Variants in GRM8 observed in about 807,000 individuals in gnomAD.
The protein encoded by GRM8 is metabotropic glutamate receptor 8.
Under a neutral mutation model 87.2 loss-of-function variants are expected in GRM8, and 47 were observed. That is an observed-to-expected ratio of 0.54 (90% confidence interval 0.43 to 0.69). The LOEUF (loss-of-function observed/expected upper bound fraction) is 0.69. Among genes scored for constraint, GRM8 ranks in the 30% least tolerant of loss-of-function variants. GRM8 has a pLI of 0.00. For synonymous variants in GRM8, 396 were observed against 404.5 expected, an observed-to-expected ratio of 0.98 and a Z score of 0.25; for missense variants, 1,019 against 1,139.2, an observed-to-expected ratio of 0.89 and a Z score of 1.52.
chr7:126,475,950 T>C (rs1248186087), intron 9 of GRM8, among the ~76,000 whole-genome samples: 1 of 152,076 alleles, frequency 6.6e-6, no homozygotes, highest in Admixed American at 6.6e-5. Context: ...ATATCATACA[T>C]AAAAAATAAC....
At chr7:127,074,123 A>G (rs977740220) in intron 3 of GRM8, among the ~76,000 whole-genome samples, 4 of 152,264 alleles carry the variant, frequency 2.6e-5, no homozygotes, top group Non-Finnish European at 5.9e-5. Context: ...ATGGCAATAC[A>G]ATAGTATCCT....
intron 2 of GRM8, among the ~76,000 whole-genome samples, chr7:127,165,372 A>G (rs937387939): frequency 6.6e-6 from 1 of 151,766 alleles, no homozygotes; most frequent in African/African-American, 2.4e-5. Context: ...GCCCTCTTAA[A>G]TATATATCAA....
chr7:127,017,070 G>C (rs1202416971), intron 3 of GRM8, among the ~76,000 whole-genome samples: 2 of 151,912 alleles, frequency 1.3e-5, no homozygotes, highest in Non-Finnish European at 2.9e-5. Flanking sequence ...ACTAATTTCT[G>C]CATTATAAGA....
At chr7:126,817,446 T>A (rs1030464927) in intron 6 of GRM8, among the ~76,000 whole-genome samples, 2 of 152,116 alleles carry the variant, frequency 1.3e-5, no homozygotes, top group East Asian at 3.8e-4. Context: ...GTCATAAATA[T>A]CCATTTAAAT....
At chr7:126,456,595 T>C (rs1456305275) in intron 9 of GRM8, among the ~76,000 whole-genome samples, 3 of 137,578 alleles carry the variant, frequency 2.2e-5, no homozygotes, top group African/African-American at 5.6e-5. Flanking sequence ...TTCAGGTCCA[T>C]GGAGGAGAAT....
intron 3 of GRM8, among the ~76,000 whole-genome samples, chr7:127,040,744 T>C (rs1005864237): frequency 6.6e-6 from 1 of 152,180 alleles, no homozygotes; most frequent in Non-Finnish European, 1.5e-5. Flanking sequence ...GGGAGTTTGG[T>C]CCCAAGTTAC....
chr7:126,674,995 A>G (rs1473844302), intron 7 of GRM8, among the ~76,000 whole-genome samples: 5 of 152,212 alleles, frequency 3.3e-5, no homozygotes, highest in African/African-American at 9.6e-5. Flanking sequence ...TTTGTGTCTC[A>G]AATAATCTTT....
chr7:127,088,384 G>T (rs538321091), intron 3 of GRM8, among the ~76,000 whole-genome samples: 2 of 152,346 alleles, frequency 1.3e-5, no homozygotes, highest in Admixed American at 1.3e-4. Flanking sequence ...AGAATGGAGA[G>T]CCTTTACAAA....
At chr7:127,106,978 C>T (rs1825867410) in intron 2 of GRM8, among the ~76,000 whole-genome samples, 1 of 152,168 alleles carries the variant, frequency 6.6e-6, no homozygotes, top group African/African-American at 2.4e-5. Flanking sequence ...CAAAGCAAAA[C>T]ATTTGTGCTT....
chr7:126,894,496 A>G (rs183823208), intron 6 of GRM8, among the ~76,000 whole-genome samples: 50 of 152,100 alleles, frequency 3.3e-4, no homozygotes, highest in Admixed American at 2.8e-3. Flanking sequence ...CTGTAGTGTG[A>G]GCATTTTTCT....
At chr7:126,748,203 G>A (rs1479512249) in intron 7 of GRM8, among the ~76,000 whole-genome samples, 2 of 151,956 alleles carry the variant, frequency 1.3e-5, no homozygotes, top group Non-Finnish European at 2.9e-5. Context: ...AGGCATATTG[G>A]AAAGGAAGTA....
intron 1 of GRM8, among the ~76,000 whole-genome samples, chr7:127,248,812 G>T (rs1179309741): frequency 6.6e-6 from 1 of 152,074 alleles, no homozygotes; most frequent in African/African-American, 2.4e-5. Flanking sequence ...CCTTAACAAC[G>T]GTCACAGGTC....
At chr7:126,865,153 T>C (rs955629516) in intron 6 of GRM8, among the ~76,000 whole-genome samples, 5 of 152,230 alleles carry the variant, frequency 3.3e-5, no homozygotes, top group African/African-American at 1.2e-4. Context: ...ATTTCCCATG[T>C]CAACTTTTGA....
chr7:126,995,529 T>G (rs1418944942), intron 3 of GRM8, among the ~76,000 whole-genome samples: 2 of 152,134 alleles, frequency 1.3e-5, no homozygotes, highest in African/African-American at 2.4e-5. Context: ...TTAAAAAGAA[T>G]CAAGCAGAAA....
chr7:126,897,423 G>C (rs1410557983), intron 6 of GRM8, among the ~76,000 whole-genome samples: 2 of 151,872 alleles, frequency 1.3e-5, no homozygotes, highest in African/African-American at 2.4e-5. Flanking sequence ...TGAAGGGAGA[G>C]GAATTGTGGC....
At chr7:127,141,442 T>A (rs1435855919) in intron 2 of GRM8, among the ~76,000 whole-genome samples, 1 of 152,172 alleles carries the variant, frequency 6.6e-6, no homozygotes, top group East Asian at 1.9e-4. Context: ...ATCCAAAAAA[T>A]TGTTGAGGAT....
intron 7 of GRM8, among the ~76,000 whole-genome samples, chr7:126,739,683 G>A (rs1814715482): frequency 6.6e-6 from 1 of 151,836 alleles, no homozygotes; most frequent in Non-Finnish European, 1.5e-5. Flanking sequence ...ATTATTTTCA[G>A]TTATTACTAA....
intron 8 of GRM8, among the ~76,000 whole-genome samples, chr7:126,576,447 T>A (rs1476448651): frequency 2.0e-5 from 3 of 152,150 alleles, no homozygotes; most frequent in Non-Finnish European, 1.5e-5. Context: ...CATGCCCAGA[T>A]AATTTTTGTA....
chr7:126,793,013 T>A (rs1162915955), intron 6 of GRM8, among the ~76,000 whole-genome samples: 1 of 152,186 alleles, frequency 6.6e-6, no homozygotes, highest in African/African-American at 2.4e-5. Context: ...CAGAACACTC[T>A]TTTATGTTTG....
Sources: gnomAD v4.1 joint callset for allele counts (sites outside exome capture counted in the v4.1 genomes callset) on GRCh38, gnomAD v4.1.1 for gene constraint, MANE v1.5 for transcripts, NCBI Gene and HGNC (gene_info 2026-07-23, HGNC 2026-07-21) for gene names.